The following NEGR1 variants were observed in gnomAD, a reference collection of about 807,000 sequenced individuals.
NEGR1 encodes the protein IgLON family member 4.
In NEGR1, 10 loss-of-function variants were observed where a neutral mutation model predicts 40.9. The ratio of observed to expected loss-of-function variants is 0.24; its 90% CI spans 0.15 to 0.42. The LOEUF is 0.42. NEGR1 is among the 10% of genes least tolerant of loss of function. The pLI, the probability that NEGR1 is intolerant of heterozygous loss-of-function variation, is 1.00. For synonymous variants in NEGR1, 185 were observed against 166.8 expected, an observed-to-expected ratio of 1.11 and a Z score of -0.84; for missense variants, 352 against 438.9, an observed-to-expected ratio of 0.80 and a Z score of 1.77.
chr1:72,141,218 C>T (rs1202373981), intron 1 of NEGR1, among the ~76,000 whole-genome samples: 1 of 151,882 alleles, frequency 6.6e-6, no homozygotes, highest in African/African-American at 2.4e-5. Flanking sequence ...AGGCCATAAA[C>T]ACCAAAGATG....
At chr1:71,769,593 C>T (rs1656246430) in intron 3 of NEGR1, among the ~76,000 whole-genome samples, 1 of 152,124 alleles carries the variant, frequency 6.6e-6, no homozygotes, top group South Asian at 2.1e-4. Flanking sequence ...GGGGTTTTCC[C>T]CCATTTTGCT....
chr1:71,590,551 A>G (rs139717574), intron 6 of NEGR1, among the ~76,000 whole-genome samples: 30 of 152,142 alleles, frequency 2.0e-4, no homozygotes, highest in Admixed American at 4.6e-4. Context: ...ATAAAAGCTT[A>G]GAATCTGAAG....
At chr1:72,064,080 A>C (rs1319535751) in intron 1 of NEGR1, among the ~76,000 whole-genome samples, 3 of 152,048 alleles carry the variant, frequency 2.0e-5, no homozygotes, top group African/African-American at 7.2e-5. Flanking sequence ...AAGGAAAAAA[A>C]AAACTTTCTT....
intron 1 of NEGR1, among the ~76,000 whole-genome samples, chr1:71,988,646 G>GA (rs1185100701): frequency 6.7e-6 from 1 of 149,488 alleles, no homozygotes; most frequent in African/African-American, 2.5e-5. Flanking sequence ...AGGAAGGAGG[G>GA]AAAAAAACTG....
At chr1:71,782,275 C>T (rs1656743322) in intron 2 of NEGR1, among the ~76,000 whole-genome samples, 1 of 152,126 alleles carries the variant, frequency 6.6e-6, no homozygotes, top group South Asian at 2.1e-4. Context: ...AACAGGCCCT[C>T]TCCAGTGCCT....
chr1:72,040,577 C>CAAAA (rs5775102), intron 1 of NEGR1, among the ~76,000 whole-genome samples: 35 of 29,704 alleles, frequency 1.2e-3, no homozygotes, highest in East Asian at 3.8e-3. Flanking sequence ...GAGCACTGAC[C>CAAAA]AAAAAAAAAA....
At chr1:71,566,823 G>C (rs1485429033) in intron 6 of NEGR1, among the ~76,000 whole-genome samples, 1 of 152,130 alleles carries the variant, frequency 6.6e-6, no homozygotes, top group Non-Finnish European at 1.5e-5. Context: ...TGAAGGCTGG[G>C]AAATCCAACA....
At position 71,539,506 on chromosome 1, in the gene NEGR1, T is replaced by G. The variant is rs1205010479; in HGVS notation, c.940+53311A>C. Among the ~76,000 whole-genome samples the G allele has an allele frequency of 3.3e-5, 5 of 151,766 alleles. No individual in the cohort carries two copies. In the East Asian group the frequency reaches 9.8e-4, roughly 30 times the overall value. On this transcript the variant is annotated intron_variant, in intron 6 of 6. Coordinates refer to ENST00000357731, the MANE Select transcript of NEGR1 (RefSeq NM_173808.3). ...TGCATTTATTTTGTAGAGGAAGTTT[T>G]TTGTCCCTACATGCAGCTATTGTTT...
rs547369706 is a variant in NEGR1, at chr1:71,894,850, G to A, written c.409+40229C>T. ...TTGAGCCCAGGAGTTTGAGGATATA[G>A]TGTGCTATAATCATGCCTGTGAATA... On this transcript the variant is annotated intron_variant, in intron 2 of 6. Coordinates refer to ENST00000357731, the MANE Select transcript of NEGR1 (RefSeq NM_173808.3). Among the ~76,000 whole-genome samples, 39 of 152,240 alleles carry A rather than the reference G, an allele frequency of 2.6e-4. No individual in the cohort carries two copies. The South Asian group carries it at 7.0e-3, about 28-fold the overall frequency.
At chr1:71,703,297 C>T (rs1011097364) in intron 3 of NEGR1, 1 of 151,744 alleles carries the variant, frequency 6.6e-6, no homozygotes, top group Non-Finnish European at 1.5e-5. Context: ...GTTTAATGGA[C>T]CAAAATAATT....
chr1:71,791,613 C>A (rs889899070), intron 2 of NEGR1, among the ~76,000 whole-genome samples: 2 of 151,916 alleles, frequency 1.3e-5, no homozygotes, highest in Non-Finnish European at 2.9e-5. Context: ...TCATAGTGTT[C>A]CCATCAGATA....
At chr1:71,499,689 T>C (rs1458229705) in intron 6 of NEGR1, among the ~76,000 whole-genome samples, 1 of 151,880 alleles carries the variant, frequency 6.6e-6, no homozygotes, top group African/African-American at 2.4e-5. Flanking sequence ...AGCCACATGA[T>C]CCTTCTTAAC....
intron 1 of NEGR1, among the ~76,000 whole-genome samples, chr1:72,107,472 C>T (rs1649182655): frequency 6.6e-6 from 1 of 151,296 alleles, no homozygotes; most frequent in African/African-American, 2.4e-5. Flanking sequence ...TACTTAAACC[C>T]AAGTTTGTTA....
intron 1 of NEGR1, among the ~76,000 whole-genome samples, chr1:72,184,129 G>A (rs1652520049): frequency 6.6e-6 from 1 of 152,090 alleles, no homozygotes; most frequent in South Asian, 2.1e-4. Context: ...GACTTTATGG[G>A]AAAGGGAAGT....
intron 3 of NEGR1, among the ~76,000 whole-genome samples, chr1:71,742,544 G>C (rs1195464898): frequency 6.6e-6 from 1 of 150,848 alleles, no homozygotes; most frequent in African/African-American, 2.5e-5. Context: ...ATCTTGGCTT[G>C]CTTGGGAACT....
At chr1:72,056,016 A>G (rs1202640119) in intron 1 of NEGR1, among the ~76,000 whole-genome samples, 1 of 150,922 alleles carries the variant, frequency 6.6e-6, no homozygotes. Context: ...AATATTTTGA[A>G]TGTGTATATT....
intron 1 of NEGR1, among the ~76,000 whole-genome samples, chr1:72,118,949 A>T (rs557210468): frequency 6.6e-6 from 1 of 151,904 alleles, no homozygotes; most frequent in East Asian, 1.9e-4. Flanking sequence ...ATATTAAAAA[A>T]ACTTGCATTT....
chr1:72,246,139 C>T (rs923224263), intron 1 of NEGR1, among the ~76,000 whole-genome samples: 1 of 152,264 alleles, frequency 6.6e-6, no homozygotes, highest in East Asian at 1.9e-4. Context: ...TGTTCATTGC[C>T]TGCTTGCAAT....
chr1:72,229,197 A>G (rs1425526297), intron 1 of NEGR1, among the ~76,000 whole-genome samples: 1 of 151,908 alleles, frequency 6.6e-6, no homozygotes, highest in East Asian at 1.9e-4. Context: ...AAGTCTATGG[A>G]GTCTTGACAC....
Sources: allele counts gnomAD v4.1 joint callset (sites outside exome capture counted in the v4.1 genomes callset), GRCh38; gene constraint gnomAD v4.1.1; transcripts MANE v1.5; gene names NCBI Gene and HGNC (gene_info 2026-07-23, HGNC 2026-07-21).